The following ARPP21 variants were observed in gnomAD, a reference collection of about 807,000 sequenced individuals.
ARPP21 encodes the protein cAMP regulated phosphoprotein 21.
Under a neutral mutation model 113.2 loss-of-function variants are expected in ARPP21, and 69 were observed. The ratio of observed to expected loss-of-function variants is 0.61; its 90% CI spans 0.50 to 0.74. ARPP21 has a LOEUF of 0.74. ARPP21 is among the 30% of genes least tolerant of loss of function. The probability of loss-of-function intolerance (pLI) is 0.00; values close to 1 mark genes in which losing one functional copy is unlikely to be tolerated. For missense variants in ARPP21, 1,070 were observed against 1,037.4 expected (o/e 1.03, Z -0.43); for synonymous variants, 368 against 375.5 (o/e 0.98, Z 0.23).
At chr3:35,747,690 T>C (rs1460037590) in intron 19 of ARPP21, among the ~76,000 whole-genome samples, 4 of 152,020 alleles carry the variant, frequency 2.6e-5, no homozygotes, top group African/African-American at 9.7e-5. Flanking sequence ...GAGTACAAAA[T>C]CACGAGGATA....
In ARPP21 at chr3:35,668,027, A is replaced by AAGAAGAAGAAGAAGG. The variant is rs1553646509; in HGVS notation, c.-212-11755_-212-11754insAAGAAGAAGGAGAAG. Among the ~76,000 whole-genome samples the AAGAAGAAGAAGAAGG allele has an allele frequency of 1.4e-3, 191 of 132,328 alleles. 3 individuals carry two copies. Among genetic ancestry groups the AAGAAGAAGAAGAAGG allele is most frequent in the Admixed American group, 2.5e-3 (33 of 13,170 alleles). The allele number at this position is 132,328 out of a possible 152,430, so 86.8% of individuals were successfully genotyped here. A position where few individuals can be genotyped will look rare whatever the true frequency, so the allele number is the denominator to read the frequency against. On this transcript the variant is annotated intron_variant, in intron 1 of 20. Transcript: ENST00000684406. ...GAAGAAGAAGAAGAAGAAGAAGAAG[A>AAGAAGAAGAAGAAGG]AGAAGGAGAAGAAGAAGAAAGAAGA... is the stretch of plus-strand genomic sequence containing the variant.
intron 1 of ARPP21, among the ~76,000 whole-genome samples, chr3:35,657,014 C>T (rs546162478): frequency 6.6e-6 from 1 of 152,084 alleles, no homozygotes; most frequent in South Asian, 2.1e-4. Flanking sequence ...AGGCAGAGAT[C>T]CTAGGCAAAT....
intron 19 of ARPP21, among the ~76,000 whole-genome samples, chr3:35,773,799 T>G (rs2096275136): frequency 6.6e-6 from 1 of 152,192 alleles, no homozygotes; most frequent in Non-Finnish European, 1.5e-5. Flanking sequence ...GTATGTGTTT[T>G]TTTAGTTAGT....
intron 1 of ARPP21, among the ~76,000 whole-genome samples, chr3:35,652,556 G>A (rs1335028742): frequency 1.3e-5 from 2 of 152,070 alleles, no homozygotes; most frequent in African/African-American, 4.8e-5. Flanking sequence ...GGATCCTTAG[G>A]CTTAAGCAGG....
chr3:35,658,704 C>T (rs991467627), intron 1 of ARPP21, among the ~76,000 whole-genome samples: 7 of 152,088 alleles, frequency 4.6e-5, no homozygotes. Context: ...TAAAATGAAG[C>T]ACTTAATTCC....
intron 1 of ARPP21, among the ~76,000 whole-genome samples, chr3:35,661,272 T>G (rs974711528): frequency 6.6e-5 from 10 of 152,198 alleles, no homozygotes; most frequent in Non-Finnish European, 1.5e-4. Flanking sequence ...TGATTCATTG[T>G]CATAGTATGA....
intron 15 of ARPP21, among the ~76,000 whole-genome samples, chr3:35,733,633 T>C (rs759449014): frequency 1.3e-5 from 2 of 152,218 alleles, no homozygotes; most frequent in Non-Finnish European, 2.9e-5. Flanking sequence ...TCATGGAATA[T>C]AGAGAGGCTG....
chr3:35,682,774 C>T, intron 3 of ARPP21, 74 bp from the exon 4 acceptor site: 1 of 1,356,608 alleles, frequency 7.4e-7, no homozygotes, highest in Non-Finnish European at 1.0e-6. Flanking sequence ...TTCTCTCTCT[C>T]TCTCGGTTGT....
intron 19 of ARPP21, among the ~76,000 whole-genome samples, chr3:35,745,618 A>G (rs560374952): frequency 6.6e-6 from 1 of 152,362 alleles, no homozygotes; most frequent in African/African-American, 2.4e-5. Context: ...TGAGAAAGTT[A>G]GATGAATATG....
intron 19 of ARPP21, among the ~76,000 whole-genome samples, chr3:35,757,385 T>C (rs542752231): frequency 6.6e-6 from 1 of 152,176 alleles, no homozygotes; most frequent in Admixed American, 6.6e-5. Flanking sequence ...TCTTGATGAA[T>C]AATTCAATTT....
intron 1 of ARPP21, chr3:35,651,892 G>GTATAT: frequency 6.6e-6 from 1 of 152,096 alleles, no homozygotes; most frequent in South Asian, 2.1e-4. Context: ...AGGCATAATT[G>GTATAT]GAATCCGTTT....
intron 9 of ARPP21, among the ~76,000 whole-genome samples, chr3:35,705,716 CT>C (rs1238788964): frequency 6.6e-6 from 1 of 152,048 alleles, no homozygotes; most frequent in African/African-American, 2.4e-5. Flanking sequence ...AAATTATTTG[CT>C]TCTGCACCAA....
At chr3:35,638,973 G>A (rs1291931502), upstream of ARPP21, 1 of 152,486 alleles carries the variant, frequency 6.6e-6, no homozygotes, top group Non-Finnish European at 1.5e-5. Flanking sequence ...GAGCGGTGGA[G>A]GGAGTGGAAC....
At chr3:35,707,103 G>A in intron 10 of ARPP21, 21 bp downstream of exon 10, 1 of 1,572,806 alleles carries the variant, frequency 6.4e-7, no homozygotes, top group Non-Finnish European at 8.7e-7. Flanking sequence ...AAGTTTGAGA[G>A]TGGCTGACAT....
chr3:35,689,816 T>A (rs2081716471), intron 7 of ARPP21, among the ~76,000 whole-genome samples: 1 of 151,616 alleles, frequency 6.6e-6, no homozygotes, highest in Non-Finnish European at 1.5e-5. Flanking sequence ...GTACTTTGCA[T>A]GCCATAATTA....
At chr3:35,704,174 A>G (rs2149920026) in intron 9 of ARPP21, among the ~76,000 whole-genome samples, 1 of 152,032 alleles carries the variant, frequency 6.6e-6, no homozygotes, top group Non-Finnish European at 1.5e-5. Context: ...TGAACTATTA[A>G]ATTCCAATAT....
rs1708289108 is a variant in ARPP21, at chr3:35,662,514, G to A, written c.-212-17273G>A. On this transcript the variant is annotated intron_variant, in intron 1 of 20. Coordinates refer to ENST00000684406, the MANE Select transcript of ARPP21 (RefSeq NM_001385562.1). Reference sequence around the variant, plus strand: ...ACCCCACAGAGGGACAGGGAGGGGAGCAGGACTGGGCAGAGAGAGAAGGTG... The same window carrying A: ...ACCCCACAGAGGGACAGGGAGGGGAACAGGACTGGGCAGAGAGAGAAGGTG... Among the ~76,000 whole-genome samples, 4 of 152,284 alleles carry A rather than the reference G, an allele frequency of 2.6e-5. No individual in the cohort carries two copies. In the South Asian group the frequency reaches 8.3e-4, roughly 32 times the overall value.
At chr3:35,676,361 A>G (rs986082222) in intron 1 of ARPP21, among the ~76,000 whole-genome samples, 3 of 152,004 alleles carry the variant, frequency 2.0e-5, no homozygotes, top group African/African-American at 7.2e-5. Context: ...AAAATGTGAG[A>G]TCCTATATAT....
At chr3:35,684,057 G>T (rs1296271725) in intron 5 of ARPP21, 7 of 1,596,184 alleles carry the variant, frequency 4.4e-6, no homozygotes, top group Non-Finnish European at 5.1e-6. Context: ...GAATTCAAAA[G>T]AATTTAGATT....
Sources: gnomAD v4.1 joint callset for allele counts (sites outside exome capture counted in the v4.1 genomes callset) on GRCh38, gnomAD v4.1.1 for gene constraint, MANE v1.5 for transcripts, NCBI Gene and HGNC (gene_info 2026-07-23, HGNC 2026-07-21) for gene names.